CD2AP: variants seen among roughly 807,000 people sequenced by gnomAD.
CD2AP encodes the protein CD2-associated protein.
CD2AP carries 46 observed loss-of-function variants against 85.1 expected under a neutral mutation model. The observed-to-expected ratio is 0.54, with a 90% CI of 0.43 to 0.69. CD2AP has a LOEUF of 0.69. CD2AP is among the 30% of genes least tolerant of loss of function. CD2AP has a pLI of 0.00. For missense variants in CD2AP, 769 were observed against 729.5 expected (o/e 1.05, Z -0.62); for synonymous variants, 255 against 252.9 (o/e 1.01, Z -0.08).
intron 17 of CD2AP, among the ~76,000 whole-genome samples, chr6:47,617,782 G>A (rs1380013637): frequency 6.6e-6 from 1 of 152,054 alleles, no homozygotes; most frequent in Non-Finnish European, 1.5e-5. Context: ...TCCATTACAT[G>A]CTGAATAAAG....
chr6:47,584,681 T>G (rs1768574050), intron 11 of CD2AP, among the ~76,000 whole-genome samples: 1 of 151,874 alleles, frequency 6.6e-6, no homozygotes, highest in Non-Finnish European at 1.5e-5. Flanking sequence ...TTTTATATTC[T>G]TTTTTTATAC....
Position 47,479,547 on chromosome 6 carries a change from G to C in CD2AP, c.4+1299G>C, listed in dbSNP as rs1257662359. Among the ~76,000 whole-genome samples the C allele has an allele frequency of 3.9e-5, 6 of 152,298 alleles. No homozygotes were observed. The Middle Eastern group carries it at 0.01, about 259-fold the overall frequency. On this transcript the variant is annotated intron_variant, in intron 1 of 17. Transcript: ENST00000359314. ...AGTGAAATAAAACATTTGCTATTTG[G>C]AATTTTCAAATGAATTATTTTATAA...
chr6:47,498,347 T>A (rs1309367520), intron 1 of CD2AP, among the ~76,000 whole-genome samples: 1 of 152,230 alleles, frequency 6.6e-6, no homozygotes, highest in Non-Finnish European at 1.5e-5. Flanking sequence ...ATGAAATTTT[T>A]ATTTCCTGTC....
At chr6:47,575,952 T>A (rs9395280) in intron 6 of CD2AP, among the ~76,000 whole-genome samples, 91,895 of 152,096 alleles carry the variant, frequency 0.6, 28,585 homozygotes, top group Middle Eastern at 0.74. Context: ...GTATTATTGT[T>A]TGAATAGTGC....
At chr6:47,540,379 T>A (rs1443152335) in intron 3 of CD2AP, among the ~76,000 whole-genome samples, 1 of 152,118 alleles carries the variant, frequency 6.6e-6, no homozygotes, top group African/African-American at 2.4e-5. Flanking sequence ...TTAATTGTGC[T>A]GGCAGTTAAA....
intron 2 of CD2AP, among the ~76,000 whole-genome samples, chr6:47,513,526 T>C (rs2113996569): frequency 6.6e-6 from 1 of 152,214 alleles, no homozygotes; most frequent in Admixed American, 6.5e-5. Context: ...TTTCACATAA[T>C]AAGTGGTATT....
chr6:47,490,245 A>G (rs908107480), intron 1 of CD2AP, among the ~76,000 whole-genome samples: 1 of 152,170 alleles, frequency 6.6e-6, no homozygotes, highest in African/African-American at 2.4e-5. Flanking sequence ...GGGCCTCCCA[A>G]AGTGCTGGGT....
intron 11 of CD2AP, among the ~76,000 whole-genome samples, chr6:47,585,276 G>T (rs1485373894): frequency 6.6e-6 from 1 of 151,322 alleles, no homozygotes; most frequent in African/African-American, 2.4e-5. Context: ...GCACTCCAGC[G>T]TGGGCGACAG....
At chr6:47,566,323 T>TATATATATATATACATATATACACACAC in intron 5 of CD2AP, among the ~76,000 whole-genome samples, 1 of 108,388 alleles carries the variant, frequency 9.2e-6, no homozygotes, top group Non-Finnish European at 2.1e-5. Flanking sequence ...TATATATATA[T>TATATATATATATACATATATACACACAC]ACACATACAC....
chr6:47,505,907 C>G (rs1766147710), intron 2 of CD2AP, among the ~76,000 whole-genome samples: 1 of 116,154 alleles, frequency 8.6e-6, no homozygotes, highest in Non-Finnish European at 1.9e-5. Context: ...GGCTGACCCC[C>G]CCCACCTCCC....
intron 1 of CD2AP, among the ~76,000 whole-genome samples, chr6:47,485,255 G>A (rs1170510483): frequency 2.6e-5 from 4 of 152,104 alleles, no homozygotes; most frequent in East Asian, 1.9e-4. Context: ...CATTGTTATC[G>A]TAGGTGATGA....
intron 2 of CD2AP, among the ~76,000 whole-genome samples, chr6:47,513,676 T>G (rs1214765112): frequency 2.6e-5 from 4 of 152,110 alleles, no homozygotes; most frequent in Middle Eastern, 3.2e-3. Flanking sequence ...TTTTTGGATA[T>G]TTAGGACTTT....
At chr6:47,564,831 AAATTATAGTAG>A (rs1452074271) in intron 5 of CD2AP, among the ~76,000 whole-genome samples, 2 of 147,484 alleles carry the variant, frequency 1.4e-5, no homozygotes, top group African/African-American at 5.0e-5. Flanking sequence ...GCTGTTAGAA[AAATTATAGTAG>A]AATGTACATT....
At chr6:47,491,258 TA>T in intron 1 of CD2AP, among the ~76,000 whole-genome samples, 1 of 120,932 alleles carries the variant, frequency 8.3e-6, no homozygotes, top group Non-Finnish European at 1.8e-5. Context: ...TTCTTCCTGA[TA>T]TGTGTGTGTG....
At chr6:47,559,219 C>G (rs1231328255) in intron 5 of CD2AP, among the ~76,000 whole-genome samples, 1 of 147,952 alleles carries the variant, frequency 6.8e-6, no homozygotes, top group African/African-American at 2.5e-5. Context: ...TCTCTCTTTT[C>G]TTTATTAGTC....
intron 17 of CD2AP, 132 bp from the exon 18 acceptor site, chr6:47,624,054 G>C (rs1769833332): frequency 2.7e-6 from 2 of 735,670 alleles, no homozygotes; most frequent in Admixed American, 4.6e-5. Context: ...TATAGCATGG[G>C]AAACTGGATT....
intron 11 of CD2AP, among the ~76,000 whole-genome samples, chr6:47,589,379 T>TATACACACATACACACACACAC (rs144886557): frequency 7.2e-6 from 1 of 139,386 alleles, no homozygotes; most frequent in African/African-American, 2.6e-5. Flanking sequence ...CTCTTGAATA[T>TATACACACATACACACACACAC]ACACACACAC....
At chr6:47,529,777 G>T (rs1766823714) in intron 2 of CD2AP, among the ~76,000 whole-genome samples, 2 of 152,182 alleles carry the variant, frequency 1.3e-5, no homozygotes, top group African/African-American at 4.8e-5. Flanking sequence ...CAATTTCCAA[G>T]AAGTTATCAA....
intron 11 of CD2AP, among the ~76,000 whole-genome samples, chr6:47,584,693 T>A (rs1768574505): frequency 6.6e-6 from 1 of 152,118 alleles, no homozygotes; most frequent in South Asian, 2.1e-4. Flanking sequence ...TTTTTATACT[T>A]AAGAATTTTA....
Sources: gnomAD v4.1 joint callset for allele counts (sites outside exome capture counted in the v4.1 genomes callset) on GRCh38, gnomAD v4.1.1 for gene constraint, MANE v1.5 for transcripts, NCBI Gene and HGNC (gene_info 2026-07-23, HGNC 2026-07-21) for gene names.